INPP4B: variants seen among roughly 807,000 people sequenced by gnomAD.
The protein encoded by INPP4B is inositol polyphosphate-4-phosphatase type II B.
INPP4B carries 55 observed loss-of-function variants against 122.5 expected under a neutral mutation model. That is an observed-to-expected ratio of 0.45 (90% CI 0.36 to 0.56). INPP4B has a LOEUF of 0.56. INPP4B is among the 20% of genes least tolerant of loss of function. The pLI, the probability that INPP4B is intolerant of heterozygous loss-of-function variation, is 0.00. For missense variants in INPP4B, 1,000 were observed against 1,097.7 expected (o/e 0.91, Z 1.26); for synonymous variants, 403 against 388.7 (o/e 1.04, Z -0.43).
chr4:142,616,548 A>G (rs1232730203), intron 2 of INPP4B, among the ~76,000 whole-genome samples: 2 of 152,118 alleles, frequency 1.3e-5, no homozygotes, highest in Non-Finnish European at 2.9e-5. Flanking sequence ...TTGTACCCCA[A>G]CACTTCTAAA....
rs5862604 is a variant in INPP4B at position 142,483,182 on chromosome 4, C to CTTTTTTTTT, written c.-190-20465_-190-20457dup. Among the ~76,000 whole-genome samples the CTTTTTTTTT allele has an allele frequency of 1.3e-3, 62 of 48,336 alleles. 15 individuals carry two copies. Among genetic ancestry groups the CTTTTTTTTT allele is most frequent in the African/African-American group, 5.7e-3 (58 of 10,094 alleles). 31.7% of individuals were successfully genotyped at this position (48,336 alleles called of 152,430 possible). ...TAATAATGACTGGAGTCAGGCTATG[C>CTTTTTTTTT]TTTTTTTTTTTTTTTTTTTTTTTTT... On this transcript the variant is annotated intron_variant, in intron 2 of 25. Coordinates refer to ENST00000262992, the MANE Select transcript of INPP4B (RefSeq NM_001101669.3).
rs28673921 is a variant in INPP4B, at chr4:142,185,533, T to C, written c.1181+7554A>G. Among the ~76,000 whole-genome samples the C allele has an allele frequency of 3.6e-3, 548 of 152,022 alleles. 7 individuals are homozygous for C. The highest frequency in any genetic ancestry group is 0.013 in the African/African-American group (535 of 41,484). ...TAATACAACTTTTTGGTGGTATTAC[T>C]TCTAAAATTTAACTACCTCTTAACT... On this transcript the variant is annotated intron_variant, in intron 15 of 25. Coordinates refer to ENST00000262992, the MANE Select transcript of INPP4B (RefSeq NM_001101669.3).
intron 2 of INPP4B, among the ~76,000 whole-genome samples, chr4:142,490,737 T>G (rs961232852): frequency 1.3e-5 from 2 of 152,178 alleles, no homozygotes. Context: ...AAACCCCTGG[T>G]AACCACCATT....
intron 2 of INPP4B, among the ~76,000 whole-genome samples, chr4:142,679,472 G>T (rs1758280818): frequency 6.6e-6 from 1 of 151,812 alleles, no homozygotes. Context: ...TATGGCACTA[G>T]AGTTTTTTAA....
chr4:142,779,649 C>T (rs978745898), intron 1 of INPP4B, among the ~76,000 whole-genome samples: 24 of 152,040 alleles, frequency 1.6e-4, no homozygotes, highest in African/African-American at 5.6e-4. Context: ...AAGGTAGTGG[C>T]TAAAACCATG....
intron 2 of INPP4B, chr4:142,654,806 G>A (rs1753819739): frequency 2.0e-5 from 3 of 152,202 alleles, no homozygotes; most frequent in Admixed American, 6.5e-5. Flanking sequence ...TGTTCAGCAA[G>A]GAGGTGGTTA....
At chr4:142,403,433 G>A (rs1016271772) in intron 6 of INPP4B, among the ~76,000 whole-genome samples, 6 of 152,102 alleles carry the variant, frequency 3.9e-5, no homozygotes, top group Admixed American at 2.0e-4. Flanking sequence ...TATTTTCTCC[G>A]AAAGAACCAT....
rs370793831 is a variant in INPP4B at position 142,288,385 on chromosome 4, C to G, written c.503+17073G>C. 1.3e-4 allele frequency among the ~76,000 whole-genome samples: 20 copies of G among 152,250 alleles called. 1 individual carries two copies. The East Asian group carries it at 1.4e-3, about 10-fold the overall frequency. ...GGATCACGAGGTCAGCAGATAGAGA[C>G]CATCCTGGTTAACATGGTGAAACCC... On this transcript the variant is annotated intron_variant, in intron 9 of 25. Coordinates refer to ENST00000262992, the MANE Select transcript of INPP4B (RefSeq NM_001101669.3).
intron 2 of INPP4B, among the ~76,000 whole-genome samples, chr4:142,601,927 C>A (rs1316855637): frequency 7.2e-6 from 1 of 139,650 alleles, no homozygotes; most frequent in Non-Finnish European, 1.5e-5. Flanking sequence ...CAAGATTGCA[C>A]CACTGCACTC....
At chr4:142,142,692 T>A (rs1229940683) in intron 18 of INPP4B, among the ~76,000 whole-genome samples, 9 of 152,040 alleles carry the variant, frequency 5.9e-5, no homozygotes, top group Admixed American at 5.9e-4. Flanking sequence ...AGAGAACAAC[T>A]TGAGTCCAAA....
At position 142,662,101 on chromosome 4, in the gene INPP4B, G is replaced by A. The variant is rs571292550; in HGVS notation, c.-191+63738C>T. ...ACAAACAAAATTAACCGGGCGTGGT[G>A]GCAGGCACCTGTAGTCCCAGCTACT... On this transcript the variant is annotated intron_variant, in intron 2 of 25. Transcript: ENST00000262992. Among the ~76,000 whole-genome samples, 5 of 152,218 alleles carry A rather than the reference G, an allele frequency of 3.3e-5. No homozygotes were observed. The East Asian group carries it at 5.8e-4, about 18-fold the overall frequency.
At chr4:142,185,985 A>G (rs1833045986) in intron 15 of INPP4B, among the ~76,000 whole-genome samples, 1 of 152,004 alleles carries the variant, frequency 6.6e-6, no homozygotes, top group Admixed American at 6.6e-5. Flanking sequence ...AGATATATGA[A>G]TAAGGATATA....
intron 1 of INPP4B, among the ~76,000 whole-genome samples, chr4:142,806,989 C>T (rs1464415120): frequency 6.6e-6 from 1 of 152,118 alleles, no homozygotes; most frequent in Non-Finnish European, 1.5e-5. Flanking sequence ...ACATGTTCAT[C>T]CGACAAAAAA....
chr4:142,045,464 C>G (rs1204628402), intron 25 of INPP4B, among the ~76,000 whole-genome samples: 1 of 152,130 alleles, frequency 6.6e-6, no homozygotes, highest in Non-Finnish European at 1.5e-5. Context: ...TCCAGAACTT[C>G]AGTATCTACT....
chr4:142,049,067 T>C (rs752812038), intron 25 of INPP4B, among the ~76,000 whole-genome samples: 29 of 151,984 alleles, frequency 1.9e-4, no homozygotes, highest in Non-Finnish European at 4.1e-4. Context: ...GAAGCTGGCT[T>C]ACTGCACTCA....
chr4:142,036,445 T>G (rs1294354749), intron 25 of INPP4B, among the ~76,000 whole-genome samples: 1 of 152,164 alleles, frequency 6.6e-6, no homozygotes, highest in African/African-American at 2.4e-5. Flanking sequence ...ACTTTCTCAG[T>G]GGAGCCACCC....
At chr4:142,804,887 G>A (rs967854399) in intron 1 of INPP4B, among the ~76,000 whole-genome samples, 3 of 152,154 alleles carry the variant, frequency 2.0e-5, no homozygotes, top group Non-Finnish European at 2.9e-5. Flanking sequence ...GTCTGGTCTC[G>A]AACTCCTGGG....
At chr4:142,089,480 C>G (rs59305627) in intron 23 of INPP4B, among the ~76,000 whole-genome samples, 44,038 of 134,976 alleles carry the variant, frequency 0.33, 7,061 homozygotes, top group African/African-American at 0.44. Context: ...CACACACACA[C>G]AGAGAGAGAG....
intron 2 of INPP4B, among the ~76,000 whole-genome samples, chr4:142,615,180 A>T (rs1743435999): frequency 6.6e-6 from 1 of 152,164 alleles, no homozygotes; most frequent in Non-Finnish European, 1.5e-5. Flanking sequence ...CTGACTATGT[A>T]CCGAGGAACA....
Sources: allele counts gnomAD v4.1 joint callset (sites outside exome capture counted in the v4.1 genomes callset), GRCh38; gene constraint gnomAD v4.1.1; transcripts MANE v1.5; gene names NCBI Gene and HGNC (gene_info 2026-07-23, HGNC 2026-07-21).